The following ZFAND3 variants were observed in gnomAD, a reference collection of about 807,000 sequenced individuals.
The protein encoded by ZFAND3 is zinc finger AN1-type containing 3.
A neutral mutation model predicts 29.6 loss-of-function variants in ZFAND3; 10 were observed. The ratio of observed to expected loss-of-function variants is 0.34; its 90% CI spans 0.21 to 0.57. The LOEUF (loss-of-function observed/expected upper bound fraction) is 0.57. Ranked by LOEUF, ZFAND3 falls within the 20% of genes least tolerant of loss-of-function variation. ZFAND3 has a pLI of 0.86. For missense variants in ZFAND3, 230 were observed against 304.5 expected (o/e 0.76, Z 1.82); for synonymous variants, 128 against 112.6 (o/e 1.14, Z -0.87).
intron 2 of ZFAND3, 46 bp downstream of exon 2, chr6:37,930,045 C>CTTTT: frequency 1.7e-6 from 2 of 1,163,288 alleles, no homozygotes; most frequent in South Asian, 1.7e-5. Flanking sequence ...ATTTTTCTTT[C>CTTTT]TTTTTTTTTT....
At chr6:37,847,572 A>G (rs573896745) in intron 1 of ZFAND3, among the ~76,000 whole-genome samples, 5 of 152,220 alleles carry the variant, frequency 3.3e-5, no homozygotes, top group African/African-American at 1.2e-4. Flanking sequence ...GACTCTGCAG[A>G]ATATTAGACA....
intron 4 of ZFAND3, among the ~76,000 whole-genome samples, chr6:38,090,997 C>T (rs895231482): frequency 5.9e-5 from 9 of 152,144 alleles, no homozygotes; most frequent in African/African-American, 1.9e-4. Flanking sequence ...AAACTTGTAT[C>T]CAAGGCCTCG....
intron 1 of ZFAND3, among the ~76,000 whole-genome samples, chr6:37,926,449 C>T (rs1761486318): frequency 6.6e-6 from 1 of 152,172 alleles, no homozygotes; most frequent in African/African-American, 2.4e-5. Flanking sequence ...CTGCCTCCAT[C>T]TTCATGTGGC....
intron 1 of ZFAND3, among the ~76,000 whole-genome samples, chr6:37,840,031 A>G (rs1764043560): frequency 6.6e-6 from 1 of 151,960 alleles, no homozygotes; most frequent in South Asian, 2.1e-4. Context: ...TCAAGGTCAC[A>G]AATATTTACA....
intron 2 of ZFAND3, among the ~76,000 whole-genome samples, chr6:38,050,563 TG>T (rs1764007003): frequency 6.6e-6 from 1 of 152,164 alleles, no homozygotes; most frequent in African/African-American, 2.4e-5. Flanking sequence ...CCTGTTTGCT[TG>T]GCACTTCTCT....
intron 2 of ZFAND3, among the ~76,000 whole-genome samples, chr6:38,060,637 G>C (rs893045071): frequency 6.6e-6 from 1 of 151,998 alleles, no homozygotes. Flanking sequence ...AACTTTTAGA[G>C]ATGAGGTCTT....
intron 1 of ZFAND3, among the ~76,000 whole-genome samples, chr6:37,828,752 C>T (rs1037916833): frequency 3.9e-5 from 6 of 151,924 alleles, no homozygotes; most frequent in Non-Finnish European, 5.9e-5. Flanking sequence ...GGATTCAAGC[C>T]GATTTCTTCT....
chr6:38,135,659 C>T (rs1405045212), intron 5 of ZFAND3, among the ~76,000 whole-genome samples: 4 of 152,034 alleles, frequency 2.6e-5, no homozygotes, highest in Non-Finnish European at 2.9e-5. Context: ...GCAGGAGAAT[C>T]GCTGGAATCT....
chr6:38,037,128 A>G (rs1017339036), intron 2 of ZFAND3, among the ~76,000 whole-genome samples: 2 of 152,210 alleles, frequency 1.3e-5, no homozygotes, highest in Non-Finnish European at 2.9e-5. Flanking sequence ...GAGCTACTCA[A>G]TCTTTTAGTG....
At chr6:38,048,922 T>C (rs894220491) in intron 2 of ZFAND3, among the ~76,000 whole-genome samples, 1 of 152,224 alleles carries the variant, frequency 6.6e-6, no homozygotes, top group African/African-American at 2.4e-5. Context: ...TCAAAACTTT[T>C]ATATAATAAG....
intron 2 of ZFAND3, among the ~76,000 whole-genome samples, chr6:38,050,500 C>G (rs996463470): frequency 2.0e-5 from 3 of 152,022 alleles, no homozygotes; most frequent in Admixed American, 2.0e-4. Flanking sequence ...ATGCCGTTCT[C>G]GTGAAAGTGA....
intron 1 of ZFAND3, among the ~76,000 whole-genome samples, chr6:37,892,292 G>A (rs922899585): frequency 1.3e-5 from 2 of 152,186 alleles, no homozygotes; most frequent in African/African-American, 4.8e-5. Flanking sequence ...GACATAGCAT[G>A]TGAAAATGTA....
chr6:37,940,911 G>A (rs763693507), intron 2 of ZFAND3, among the ~76,000 whole-genome samples: 10 of 152,080 alleles, frequency 6.6e-5, no homozygotes, highest in Non-Finnish European at 1.2e-4. Context: ...TAGTTTTTGT[G>A]AAAAAAGAGA....
Position 38,090,131 on chromosome 6 carries a change from G to A in ZFAND3, c.361+7674G>A, listed in dbSNP as rs564285514. Among the ~76,000 whole-genome samples, 300 of 152,360 alleles carry A rather than the reference G, an allele frequency of 2.0e-3. 4 individuals carry two copies. Among genetic ancestry groups the A allele is most frequent in the Non-Finnish European group, 2.4e-3 (160 of 68,034 alleles). ...GCCTCCCAAAGTGCTGGGATTACAG[G>A]TGTGCTCTGTGGCATTTTAAAGGGA... On this transcript the variant is annotated intron_variant, in intron 4 of 5. Transcript: ENST00000287218.
intron 1 of ZFAND3, among the ~76,000 whole-genome samples, chr6:37,867,400 C>T (rs573999670): frequency 3.9e-5 from 6 of 152,322 alleles, no homozygotes; most frequent in South Asian, 2.1e-4. Flanking sequence ...CCTAAGCTTG[C>T]TGCTGACAGG....
At chr6:37,853,945 T>A (rs562472164) in intron 1 of ZFAND3, among the ~76,000 whole-genome samples, 3 of 151,776 alleles carry the variant, frequency 2.0e-5, no homozygotes, top group Non-Finnish European at 2.9e-5. Context: ...TTTTGCCTTT[T>A]TAAAAAATTT....
chr6:38,077,572 C>CT (rs2127469256), intron 3 of ZFAND3, among the ~76,000 whole-genome samples: 1 of 152,284 alleles, frequency 6.6e-6, no homozygotes, highest in African/African-American at 2.4e-5. Context: ...CAATGTTTAG[C>CT]TGACCAATTC....
At chr6:37,948,218 T>C (rs1199355189) in intron 2 of ZFAND3, among the ~76,000 whole-genome samples, 1 of 152,224 alleles carries the variant, frequency 6.6e-6, no homozygotes, top group Non-Finnish European at 1.5e-5. Context: ...CAATCATGGA[T>C]TAAAGCAGTT....
intron 2 of ZFAND3, among the ~76,000 whole-genome samples, chr6:38,033,071 T>C (rs775472578): frequency 8.6e-5 from 13 of 152,000 alleles, no homozygotes; most frequent in Non-Finnish European, 1.8e-4. Flanking sequence ...TGAAAAAAAA[T>C]GGAAGCCTGC....
Sources: gnomAD v4.1 joint callset for allele counts (sites outside exome capture counted in the v4.1 genomes callset) on GRCh38, gnomAD v4.1.1 for gene constraint, MANE v1.5 for transcripts, NCBI Gene and HGNC (gene_info 2026-07-23, HGNC 2026-07-21) for gene names.